ZNF268: variants seen among roughly 807,000 people sequenced by gnomAD.
The protein encoded by ZNF268 is zinc finger protein 268, also known as zinc finger protein 3.
In ZNF268, 20 loss-of-function variants were observed where a neutral mutation model predicts 29.3. The ratio of observed to expected loss-of-function variants is 0.68; its 90% CI spans 0.48 to 0.99. The LOEUF is 0.99. Among genes scored for constraint, ZNF268 ranks in the 50% least tolerant of loss-of-function variants. ZNF268 has a pLI of 0.00. For synonymous variants in ZNF268, 429 were observed against 376.9 expected, an observed-to-expected ratio of 1.14 and a Z score of -1.60; for missense variants, 1,240 against 1,121.6, an observed-to-expected ratio of 1.11 and a Z score of -1.51.
Position 133,192,262 on chromosome 12 carries a change from C to T in ZNF268, c.457+259C>T, listed in dbSNP as rs972607800. 4.6e-5 allele frequency among the ~76,000 whole-genome samples: 7 copies of T among 151,952 alleles called. 1 individual carries two copies. The South Asian group carries it at 1.5e-3, about 32-fold the overall frequency. ...AGCTGGGGTTACAGTTGTGCGCCAC[C>T]ATGCCCGGCCAATTTTTGTATTTTT... On this transcript the variant is annotated intron_variant, in intron 5 of 5. Coordinates refer to ENST00000536435, the MANE Select transcript of ZNF268 (RefSeq NM_003415.3).
At position 133,204,552 on chromosome 12, in the gene ZNF268, A is replaced by G. The variant is rs1956850873; in HGVS notation, c.*22A>G. The G allele has an allele frequency of 2.1e-6, 3 of 1,456,554 alleles. No individual in the cohort carries two copies. Among genetic ancestry groups the G allele is most frequent in the Non-Finnish European group, 2.7e-6 (3 of 1,103,198 alleles). The allele number at this position is 1,456,554 out of a possible 1,614,324, so 90.2% of individuals were successfully genotyped here. On this transcript the variant is annotated 3_prime_UTR_variant, in exon 6 of 6. Coordinates refer to ENST00000536435, the MANE Select transcript of ZNF268 (RefSeq NM_003415.3). ...TTGATAATTTTACGAAACTCTGAAA[A>G]GTGGATTCACAAGAGATAGAAACAA...
At position 133,211,983 on chromosome 12, in the gene ZNF268, C is replaced by T. The variant is rs1283286832; in HGVS notation, c.*7453C>T. 3.3e-5 allele frequency: 5 copies of T among 152,174 alleles called. No individual in the cohort carries two copies. Among genetic ancestry groups the T allele is most frequent in the African/African-American group, 1.2e-4 (5 of 41,436 alleles). The allele number at this position is 152,174 out of a possible 1,614,324, so 9.4% of individuals were successfully genotyped here. A position where few individuals can be genotyped will look rare whatever the true frequency, so the allele number is the denominator to read the frequency against. On this transcript the variant is annotated 3_prime_UTR_variant, in exon 6 of 6. Transcript: ENST00000536435. The stretch of plus-strand genomic sequence containing the variant: ...TACTTTAAGGAATCAGGATAACCTT[C>T]AATAGGTGAATGACTAACTAGGCTG...
chr12:133,185,125 C>T (rs1013386418), intron 2 of ZNF268, among the ~76,000 whole-genome samples: 5 of 147,012 alleles, frequency 3.4e-5, no homozygotes, highest in African/African-American at 1.3e-4. Context: ...TAGGAGGTTG[C>T]AGTGAGCCAA....
Position 133,204,183 on chromosome 12 carries a change from G to T in ZNF268, c.2497G>T (p.Val833Phe). 3 of 1,541,004 alleles carry T rather than the reference G, an allele frequency of 1.9e-6. No homozygotes were observed. The highest frequency in any genetic ancestry group is 2.6e-6 in the Non-Finnish European group (3 of 1,147,240). Residue 833 changes from valine (V) to phenylalanine (F), a missense_variant, in exon 6 of 6, where the codon GTC becomes TTC. By Grantham distance (50) the Val-to-Phe change is conservative (BLOSUM62 -1). Around this residue, in one of 3 missense-constraint regions of ZNF268, gnomAD observed 1,177 missense variants for 1,039.6 expected, o/e 1.13. Transcript: ENST00000536435. ...TGTACATGAGCGAACTCATGCAGGGGTCAACCCTTATAAATGCAGTCAATG... is the reference window on the plus strand; with the variant it reads ...TGTACATGAGCGAACTCATGCAGGGTTCAACCCTTATAAATGCAGTCAATG... ...LIVHERTHAG[V>F]NPYKCSQCEK...
rs1956872553 is a variant in ZNF268 at position 133,205,162 on chromosome 12, A to AAAAAAAAAAAC, written c.*642_*643insCAAAAAAAAAA. On this transcript the variant is annotated 3_prime_UTR_variant, in exon 6 of 6. Coordinates refer to ENST00000536435, the MANE Select transcript of ZNF268 (RefSeq NM_003415.3). Reference sequence around the variant, plus strand: ...TTCATTCTAAAAAAAAAAAAAAAAAAAAAAAAAAAAACCAACCTGTTATTA... The same window carrying AAAAAAAAAAAC: ...TTCATTCTAAAAAAAAAAAAAAAAAAAAAAAAAAAACAAAAAAAAAAACCAACCTGTTATTA... 1 of 137,968 alleles carries AAAAAAAAAAAC rather than the reference A, an allele frequency of 7.2e-6. No individual in the cohort carries two copies. Among genetic ancestry groups the AAAAAAAAAAAC allele is most frequent in the Non-Finnish European group, 1.6e-5 (1 of 64,326 alleles). The allele number at this position is 137,968 out of a possible 1,614,324, so 8.5% of individuals were successfully genotyped here.
chr12:133,186,928 C>G (rs568317808), intron 2 of ZNF268, among the ~76,000 whole-genome samples: 2 of 152,134 alleles, frequency 1.3e-5, no homozygotes, highest in African/African-American at 2.4e-5. Context: ...GCTTTCTGTA[C>G]GTACTATTCT....
intron 2 of ZNF268, among the ~76,000 whole-genome samples, chr12:133,185,556 AGT>A (rs1026336637): frequency 6.6e-6 from 1 of 152,126 alleles, no homozygotes; most frequent in Non-Finnish European, 1.5e-5. Flanking sequence ...GGGGGTAGGG[AGT>A]GAGAGAGAGG....
rs1191425544 is a variant in ZNF268 at position 133,202,312 on chromosome 12, G to A, written c.626G>A (p.Ser209Asn). 1 of 1,612,394 alleles carries A rather than the reference G, an allele frequency of 6.2e-7. No individual in the cohort carries two copies. The highest frequency in any genetic ancestry group is 8.5e-7 in the Non-Finnish European group (1 of 1,179,152). Residue 209 changes from serine to asparagine, a missense_variant, in exon 6 of 6, where the codon AGT becomes AAT. Around this residue, in one of 3 missense-constraint regions of ZNF268, gnomAD observed 1,177 missense variants for 1,039.6 expected, o/e 1.13. Transcript: ENST00000536435. ...KPHKCGTHGKSLKYIDFTSDY... is the reference protein window; with the variant it reads ...KPHKCGTHGKNLKYIDFTSDY... ...CATAAATGTGGCACGCATGGAAAGA[G>A]TTTGAAATATATAGATTTCACTAGT...
chr12:133,205,835 G>C lies in ZNF268; in HGVS notation c.*1305G>C, dbSNP rs1219484500. 1 of 151,692 alleles carries C rather than the reference G, an allele frequency of 6.6e-6. No individual in the cohort carries two copies. The highest frequency in any genetic ancestry group is 1.5e-5 in the Non-Finnish European group (1 of 68,038). The allele number at this position is 151,692 out of a possible 1,614,324, so 9.4% of individuals were successfully genotyped here. Reference sequence around the variant, plus strand: ...TCATGAGGGAACCACCATTCAAGATGCCCTGCTCAGGACTTGGCATGAGCA... The same window carrying C: ...TCATGAGGGAACCACCATTCAAGATCCCCTGCTCAGGACTTGGCATGAGCA... On this transcript the variant is annotated 3_prime_UTR_variant, in exon 6 of 6. Transcript: ENST00000536435.
chr12:133,188,115 C>CA, intron 3 of ZNF268, 43 bp downstream of exon 3: 3 of 1,328,150 alleles, frequency 2.3e-6, no homozygotes, highest in Non-Finnish European at 3.1e-6. Flanking sequence ...TCTTTATTAC[C>CA]TTTTTTTTTT....
rs1165223142 is a variant in ZNF268, at chr12:133,182,087, G to T, written c.33+57G>T. Reference sequence around the variant, plus strand: ...GCTCTCCCTGAATGCCAACGTGTGCGCACTCCATCTACTCCAGTCTGAATT... The same window carrying T: ...GCTCTCCCTGAATGCCAACGTGTGCTCACTCCATCTACTCCAGTCTGAATT... On this transcript the variant is annotated intron_variant, in intron 2 of 5. Coordinates refer to ENST00000536435, the MANE Select transcript of ZNF268 (RefSeq NM_003415.3). The T allele has an allele frequency of 1.1e-5, 16 of 1,522,346 alleles. No individual in the cohort carries two copies. In the Admixed American group the frequency reaches 1.8e-4, roughly 17 times the overall value. 94.3% of individuals were successfully genotyped at this position (1,522,346 alleles called of 1,614,324 possible).
intron 5 of ZNF268, among the ~76,000 whole-genome samples, chr12:133,194,701 G>A (rs999663817): frequency 6.6e-6 from 1 of 152,188 alleles, no homozygotes; most frequent in Non-Finnish European, 1.5e-5. Context: ...CGGGACTGGG[G>A]ATAGAAATGG....
In ZNF268 at chr12:133,191,602, C is replaced by T. The variant is rs1593891578; in HGVS notation, c.348C>T (p.Asn116=). Residue 116 remains asparagine (N), a synonymous_variant, in exon 4 of 6, where the codon AAC becomes AAT. Coordinates refer to ENST00000536435, the MANE Select transcript of ZNF268 (RefSeq NM_003415.3). ...GTGTGATGTTGGAGAACTATAGCAA[C>T]CTGGTGTCCCTAGGTAAGTGCTGCC... ...YRSVMLENYS[N]LVSLGYQHTK... 1.9e-6 allele frequency: 3 copies of T among 1,613,992 alleles called. No homozygotes were observed. The highest frequency in any genetic ancestry group is 4.5e-5 in the East Asian group (2 of 44,868).
At chr12:133,185,280 G>T (rs180744937) in intron 2 of ZNF268, among the ~76,000 whole-genome samples, 1 of 152,218 alleles carries the variant, frequency 6.6e-6, no homozygotes, top group African/African-American at 2.4e-5. Context: ...AGCTAAGTCT[G>T]AGTTACAATA....
rs967379447 is a variant in ZNF268 at position 133,211,975 on chromosome 12, A to G, written c.*7445A>G. On this transcript the variant is annotated 3_prime_UTR_variant, in exon 6 of 6. Transcript: ENST00000536435. ...CAGACAAATACTTTAAGGAATCAGG[A>G]TAACCTTCAATAGGTGAATGACTAA... 6.6e-6 allele frequency: 1 copy of G among 152,226 alleles called. No individual in the cohort carries two copies. The highest frequency in any genetic ancestry group is 2.4e-5 in the African/African-American group (1 of 41,460). 9.4% of individuals were successfully genotyped at this position (152,226 alleles called of 1,614,324 possible).
chr12:133,188,250 G>A (rs938267912), intron 3 of ZNF268, 178 bp downstream of exon 3: 24 of 601,056 alleles, frequency 4.0e-5, no homozygotes, highest in Admixed American at 1.8e-4. Flanking sequence ...AGAGTGGAGC[G>A]CAGTGGTGCA....
At chr12:133,191,329 A>AAG in intron 3 of ZNF268, 160 bp from the exon 4 acceptor site, 1 of 801,844 alleles carries the variant, frequency 1.2e-6, no homozygotes, top group Non-Finnish European at 1.9e-6. Flanking sequence ...CAAAAAAAAA[A>AAG]AAAGAAAGAA....
At chr12:133,194,979 T>G (rs902873491) in intron 5 of ZNF268, among the ~76,000 whole-genome samples, 1 of 85,280 alleles carries the variant, frequency 1.2e-5, no homozygotes, top group African/African-American at 5.1e-5. Context: ...CTTTATGGTC[T>G]ATAGACCTAT....
chr12:133,186,823 C>T (rs1054057190), intron 2 of ZNF268, among the ~76,000 whole-genome samples: 2 of 152,192 alleles, frequency 1.3e-5, no homozygotes, highest in African/African-American at 4.8e-5. Flanking sequence ...AAGCCAGACA[C>T]AAAAGACTAG....
Sources: gnomAD v4.1 joint callset for allele counts (sites outside exome capture counted in the v4.1 genomes callset) on GRCh38, gnomAD v4.1.1 for gene constraint, gnomAD v4.1.1 regional missense constraint, MANE v1.5 for transcripts, NCBI Gene and HGNC (gene_info 2026-07-23, HGNC 2026-07-21) for gene names.